The following LRP1B variants were observed in gnomAD, a reference collection of about 807,000 sequenced individuals.
LRP1B encodes the protein LDL receptor related protein 1B, also known as low-density lipoprotein receptor-related protein 1B.
Under a neutral mutation model 556.6 loss-of-function variants are expected in LRP1B, and 217 were observed. The observed-to-expected ratio is 0.39, with a 90% CI of 0.35 to 0.44. The LOEUF is 0.44. LRP1B is among the 20% of genes least tolerant of loss of function. The pLI is 1.00. For missense variants in LRP1B, 5,053 were observed against 5,620.8 expected (o/e 0.90, Z 3.23); for synonymous variants, 2,047 against 1,865.8 (o/e 1.10, Z -2.50).
In LRP1B at chr2:141,828,948, A is replaced by G. The variant is rs139548247; in HGVS notation, c.83-18547T>C. On this transcript the variant is annotated intron_variant, in intron 1 of 90. Coordinates refer to ENST00000389484, the MANE Select transcript of LRP1B (RefSeq NM_018557.3). The stretch of plus-strand genomic sequence containing the variant: ...TTTGCTAATTGTATCACCTCGGTCC[A>G]GCCACTGAACTTTGCTCCCTTCCAG... Among the ~76,000 whole-genome samples the G allele has an allele frequency of 2.2e-3, 334 of 152,254 alleles. 1 individual carries two copies. Among genetic ancestry groups the G allele is most frequent in the African/African-American group, 7.6e-3 (317 of 41,554 alleles).
chr2:141,333,959 G>A (rs1687752170), intron 3 of LRP1B, among the ~76,000 whole-genome samples: 1 of 152,050 alleles, frequency 6.6e-6, no homozygotes, highest in Non-Finnish European at 1.5e-5. Flanking sequence ...TTAAAACCAT[G>A]GCCTCCATCA....
intron 15 of LRP1B, among the ~76,000 whole-genome samples, chr2:141,004,542 G>C (rs1196251523): frequency 1.3e-5 from 2 of 152,010 alleles, no homozygotes; most frequent in Non-Finnish European, 2.9e-5. Flanking sequence ...TTTCCAGCTT[G>C]CCACCTGCAG....
intron 20 of LRP1B, among the ~76,000 whole-genome samples, chr2:140,934,894 G>A (rs973516022): frequency 9.9e-5 from 15 of 152,120 alleles, no homozygotes; most frequent in Admixed American, 7.9e-4. Context: ...AGACTAGGAT[G>A]TTCAAACACA....
chr2:140,957,565 T>C (rs951560200), intron 18 of LRP1B, among the ~76,000 whole-genome samples: 3 of 151,582 alleles, frequency 2.0e-5, no homozygotes, highest in African/African-American at 7.2e-5. Flanking sequence ...TTAGGTAAAA[T>C]AACAGCCAAA....
chr2:141,542,858 C>T (rs1685315566), intron 2 of LRP1B, among the ~76,000 whole-genome samples: 1 of 151,844 alleles, frequency 6.6e-6, no homozygotes, highest in African/African-American at 2.4e-5. Flanking sequence ...ATTTGCAGTC[C>T]TATTGAAAAT....
chr2:141,363,165 T>C (rs1173631950), intron 3 of LRP1B, among the ~76,000 whole-genome samples: 1 of 152,198 alleles, frequency 6.6e-6, no homozygotes, highest in Non-Finnish European at 1.5e-5. Flanking sequence ...ACATACTTCT[T>C]TGTCTGTTTT....
intron 20 of LRP1B, among the ~76,000 whole-genome samples, chr2:140,935,931 T>C (rs1695190230): frequency 6.6e-6 from 1 of 151,648 alleles, no homozygotes; most frequent in East Asian, 1.9e-4. Flanking sequence ...ATGTTAAGTG[T>C]ATATATACAC....
At chr2:141,081,687 A>G (rs1285020554) in intron 7 of LRP1B, among the ~76,000 whole-genome samples, 3 of 103,640 alleles carry the variant, frequency 2.9e-5, no homozygotes, top group Non-Finnish European at 6.1e-5. Context: ...ATTAGCCAAT[A>G]AACTCTATTA....
At chr2:140,419,470 A>G (rs1685341821) in intron 66 of LRP1B, among the ~76,000 whole-genome samples, 1 of 152,206 alleles carries the variant, frequency 6.6e-6, no homozygotes, top group Non-Finnish European at 1.5e-5. Context: ...ATTGAAATGT[A>G]TAGAACAGTC....
intron 75 of LRP1B, among the ~76,000 whole-genome samples, chr2:140,356,056 G>C (rs13016851): frequency 0.11 from 16,523 of 151,770 alleles, 981 homozygotes; most frequent in African/African-American, 0.16. Flanking sequence ...CCTGAACCAG[G>C]AATTTCGTTA....
chr2:141,345,167 G>GAA (rs770192578), intron 3 of LRP1B, among the ~76,000 whole-genome samples: 75 of 136,230 alleles, frequency 5.5e-4, no homozygotes, highest in African/African-American at 1.7e-3. Context: ...TAGAAGCCAG[G>GAA]AAAAAAAAAA....
chr2:141,414,588 A>C (rs1383843455), intron 3 of LRP1B, among the ~76,000 whole-genome samples: 1 of 152,244 alleles, frequency 6.6e-6, no homozygotes, highest in Non-Finnish European at 1.5e-5. Flanking sequence ...ATGATATCAA[A>C]GCCAAGCCAA....
intron 1 of LRP1B, among the ~76,000 whole-genome samples, chr2:141,864,929 GTGT>G (rs1487939652): frequency 5.3e-5 from 8 of 151,932 alleles, no homozygotes; most frequent in African/African-American, 4.8e-5. Context: ...GAGAAATGTG[GTGT>G]TGTATTGTTA....
At chr2:141,289,040 C>A in intron 3 of LRP1B, among the ~76,000 whole-genome samples, 1 of 152,046 alleles carries the variant, frequency 6.6e-6, no homozygotes, top group East Asian at 1.9e-4. Flanking sequence ...TACAATAACA[C>A]GCTTAAGAAA....
intron 2 of LRP1B, among the ~76,000 whole-genome samples, chr2:141,738,460 C>A (rs1172525868): frequency 6.6e-6 from 1 of 151,954 alleles, no homozygotes; most frequent in African/African-American, 2.4e-5. Context: ...CATTAGAGTC[C>A]CTGAAAATGG....
chr2:141,710,808 T>C (rs1692330524), intron 2 of LRP1B, among the ~76,000 whole-genome samples: 1 of 152,292 alleles, frequency 6.6e-6, no homozygotes, highest in Non-Finnish European at 1.5e-5. Flanking sequence ...TACAAACAGG[T>C]CATCTCGACA....
At position 141,540,648 on chromosome 2, in the gene LRP1B, C is replaced by T. The variant is rs200540341; in HGVS notation, c.206-60115G>A. The stretch of plus-strand genomic sequence containing the variant: ...TTTAATTAGTAGTAATTTGGAATTT[C>T]TAAACTGTATAACAAATGATTTAGT... On this transcript the variant is annotated intron_variant, in intron 2 of 90. Transcript: ENST00000389484. 9.9e-5 allele frequency among the ~76,000 whole-genome samples: 15 copies of T among 152,080 alleles called. No individual in the cohort carries two copies. In the East Asian group the frequency reaches 2.7e-3, roughly 27 times the overall value.
At chr2:141,666,607 C>A (rs1403828991) in intron 2 of LRP1B, among the ~76,000 whole-genome samples, 1 of 152,170 alleles carries the variant, frequency 6.6e-6, no homozygotes, top group African/African-American at 2.4e-5. Context: ...ATGATTCAGG[C>A]TGAGAAAAAT....
chr2:141,960,979 AAATTTCC>A (rs1255427503), intron 1 of LRP1B, among the ~76,000 whole-genome samples: 2 of 151,770 alleles, frequency 1.3e-5, no homozygotes, highest in Admixed American at 6.6e-5. Context: ...ATTTAAACTC[AAATTTCC>A]AATTAAAAGC....
Sources: allele counts gnomAD v4.1 joint callset (sites outside exome capture counted in the v4.1 genomes callset), GRCh38; gene constraint gnomAD v4.1.1; transcripts MANE v1.5; gene names NCBI Gene and HGNC (gene_info 2026-07-23, HGNC 2026-07-21).